The following RUVBL1 variants were observed in gnomAD, a reference collection of about 807,000 sequenced individuals.
The protein encoded by RUVBL1 is ruvB-like 1.
Under a neutral mutation model 52.4 loss-of-function variants are expected in RUVBL1, and 4 were observed. That is an observed-to-expected ratio of 0.08 (90% CI 0.04 to 0.17). The LOEUF is 0.17. Among genes scored for constraint, RUVBL1 ranks in the 10% least tolerant of loss-of-function variants. The pLI is 1.00. For missense variants in RUVBL1, 298 were observed against 572.8 expected, an observed-to-expected ratio of 0.52 and a Z score of 4.90; for synonymous variants, 217 against 214.4, an observed-to-expected ratio of 1.01 and a Z score of -0.10.
In RUVBL1 at chr3:128,097,520, A is replaced by G. The variant is rs777643578; in HGVS notation, c.818-22T>C. ...TTGTCTAGGAGATGCAAGGATGGGC[A>G]GGCAAGGTCAGCACAGGGCTGGGGG... On this transcript the variant is annotated intron_variant, in intron 7 of 10. Coordinates refer to ENST00000322623, the MANE Select transcript of RUVBL1 (RefSeq NM_003707.3). 35 of 1,609,170 alleles carry G rather than the reference A, an allele frequency of 2.2e-5. No individual in the cohort carries two copies. The Middle Eastern group carries it at 6.6e-4, about 30-fold the overall frequency.
chr3:128,079,641 AC>A (rs1274303406), downstream of RUVBL1, among the ~76,000 whole-genome samples: 1 of 152,192 alleles, frequency 6.6e-6, no homozygotes, highest in African/African-American at 2.4e-5. Context: ...GAAGGGTCCC[AC>A]CACCACTGCT....
chr3:128,105,769 C>T (rs925195921), intron 3 of RUVBL1, among the ~76,000 whole-genome samples: 41 of 152,176 alleles, frequency 2.7e-4, no homozygotes, highest in African/African-American at 8.9e-4. Context: ...GGGCCTCTGG[C>T]TCTCACTGCA....
rs148119508 is a variant in RUVBL1, at chr3:128,072,759, G to A, written c.940-7539C>T. The stretch of plus-strand genomic sequence containing the variant: ...CCAGGGAAGCAGTAGGCCATCTCTC[G>A]TGCCTCAGGTATTCGTTTGCACCTG... On this transcript the variant is annotated intron_variant, in intron 9 of 9. Coordinates refer to the RUVBL1 transcript ENST00000464873. Among the ~76,000 whole-genome samples the A allele has an allele frequency of 9.3e-4, 142 of 152,272 alleles. 1 individual carries two copies. Among genetic ancestry groups the A allele is most frequent in the African/African-American group, 3.1e-3 (130 of 41,544 alleles).
chr3:128,146,748 T>C (rs1256358458), intron 1 of RUVBL1, among the ~76,000 whole-genome samples: 4 of 152,166 alleles, frequency 2.6e-5, no homozygotes, highest in South Asian at 2.1e-4. Flanking sequence ...TGTGTGCACG[T>C]GTGTGTACGT....
At chr3:128,066,789 G>C in intron 9 of RUVBL1, 2 of 634,972 alleles carry the variant, frequency 3.1e-6, no homozygotes, top group South Asian at 3.9e-5. Flanking sequence ...GGAGTGCAGT[G>C]GTGGGTAAGG....
chr3:128,119,420 C>A lies in RUVBL1; in HGVS notation c.142-6G>T, dbSNP rs1227119537. On this transcript the variant is annotated splice_polypyrimidine_tract_variant and splice_region_variant and intron_variant, in intron 1 of 10. Coordinates refer to ENST00000322623, the MANE Select transcript of RUVBL1 (RefSeq NM_003707.3). Reference sequence around the variant, plus strand: ...TCTACTATGACGCCACATGCCTACACACCACAATGGAAAGAAATAATAAAT... The same window carrying A: ...TCTACTATGACGCCACATGCCTACAAACCACAATGGAAAGAAATAATAAAT... The A allele has an allele frequency of 1.2e-6, 2 of 1,605,666 alleles. No homozygotes were observed. Among genetic ancestry groups the A allele is most frequent in the Non-Finnish European group, 1.7e-6 (2 of 1,174,092 alleles).
downstream of RUVBL1, among the ~76,000 whole-genome samples, chr3:128,076,868 T>G (rs1280387791): frequency 6.6e-6 from 1 of 152,098 alleles, no homozygotes; most frequent in African/African-American, 2.4e-5. The surrounding 1 kb of genome is among the most constrained non-coding windows in gnomAD (Gnocchi z 6.8). Context: ...CATGTCCCTC[T>G]GGGTGCGGGG....
In RUVBL1 at chr3:128,130,619, A is replaced by T. The variant is rs1464156654; in HGVS notation, c.-39-11205T>A. On this transcript the variant is annotated intron_variant, in intron 1 of 9. Transcript: ENST00000464873. ...ACAAAAAAAAAAAAAAAAAAATTTT[A>T]TTTATTTATGTATTTATTTATTTAT... is the stretch of plus-strand genomic sequence containing the variant. Among the ~76,000 whole-genome samples the T allele has an allele frequency of 1.7e-4, 7 of 41,068 alleles. 1 individual carries two copies. Among genetic ancestry groups the T allele is most frequent in the African/African-American group, 6.0e-4 (5 of 8,346 alleles). 26.9% of individuals were successfully genotyped at this position (41,068 alleles called of 152,430 possible).
At position 128,072,596 on chromosome 3, in the gene RUVBL1, CCTG is replaced by C. The variant is rs138452786; in HGVS notation, c.940-7379_940-7377del. On this transcript the variant is annotated intron_variant, in intron 9 of 9. Coordinates refer to the RUVBL1 transcript ENST00000464873. ...AGGTCTGCCCCGCGCTCCCTCTGCACCTGCTGGCCTCAGGGCTCAGGGAGGCCC... is the reference window on the plus strand; with the variant it reads ...AGGTCTGCCCCGCGCTCCCTCTGCACCTGGCCTCAGGGCTCAGGGAGGCCC... 7.9e-3 allele frequency among the ~76,000 whole-genome samples: 1,196 copies of C among 152,300 alleles called. 23 individuals are homozygous for C. Among genetic ancestry groups the C allele is most frequent in the African/African-American group, 0.027 (1,139 of 41,560 alleles).
chr3:128,152,698 C>G (rs1034027165), intron 1 of RUVBL1, among the ~76,000 whole-genome samples: 5 of 152,090 alleles, frequency 3.3e-5, no homozygotes, highest in Non-Finnish European at 5.9e-5. Flanking sequence ...CCTAGTCTCG[C>G]TGACTTCAAG....
At chr3:128,065,285 G>C in intron 9 of RUVBL1, 1 of 606,876 alleles carries the variant, frequency 1.6e-6, no homozygotes, top group Non-Finnish European at 2.9e-6. Flanking sequence ...TTCTGGGTTG[G>C]GCCTATCGAC....
rs535610018 is a variant in RUVBL1 at position 128,089,160 on chromosome 3, T to G, written c.1017-1352A>C. Among the ~76,000 whole-genome samples the G allele has an allele frequency of 2.0e-4, 31 of 152,376 alleles. 1 individual carries two copies. The South Asian group carries it at 4.3e-3, about 21-fold the overall frequency. ...ATTTGAATGTATTCCCTTATATATA[T>G]TATTTTACTTCTTTTTGAGAAGGGT... is the stretch of plus-strand genomic sequence containing the variant. On this transcript the variant is annotated intron_variant, in intron 8 of 10. Coordinates refer to ENST00000322623, the MANE Select transcript of RUVBL1 (RefSeq NM_003707.3).
rs374231355 is a variant in RUVBL1 at position 128,087,719 on chromosome 3, T to A, written c.1106A>T (p.Gln369Leu). ...MIIRTMLYTP[Q>L]EMKQIIKIRA... is the part of the protein sequence containing the mutation. ...AGGGAGGCTCACCTGTTTCATTTCC[T>A]GTGGAGTATACAGCATGGTCCGGAT... The change falls in exon 9 of 11, where the codon CAG becomes CTG. Residue 369 changes from glutamine to leucine, a missense_variant. Around this residue, in one of 5 missense-constraint regions of RUVBL1, gnomAD observed 161 missense variants for 298.3 expected, o/e 0.54. Transcript: ENST00000322623. 3.7e-6 allele frequency: 6 copies of A among 1,613,100 alleles called. No homozygotes were observed. The highest frequency in any genetic ancestry group is 1.3e-5 in the African/African-American group (1 of 74,996).
At chr3:128,068,234 G>C (rs1234510539) in intron 9 of RUVBL1, among the ~76,000 whole-genome samples, 1 of 152,252 alleles carries the variant, frequency 6.6e-6, no homozygotes, top group Non-Finnish European at 1.5e-5. Context: ...GGACACTGGA[G>C]ACGTAAAAAT....
exon 1 of RUVBL1, chr3:128,153,566 A>G (rs1293465378): frequency 1.9e-6 from 3 of 1,539,742 alleles, no homozygotes; most frequent in Non-Finnish European, 2.6e-6. Context: ...GACAGCGGCA[A>G]GACGGCGCTG....
At chr3:128,126,600 G>A (rs570624465), upstream of RUVBL1, among the ~76,000 whole-genome samples, 13 of 152,106 alleles carry the variant, frequency 8.5e-5, 1 homozygote, top group South Asian at 2.1e-3. Context: ...TACATGTGAC[G>A]GAACTGAGGC....
intron 1 of RUVBL1, among the ~76,000 whole-genome samples, chr3:128,152,729 C>CA (rs1032122772): frequency 2.0e-5 from 3 of 152,096 alleles, no homozygotes; most frequent in African/African-American, 7.2e-5. Context: ...CGGACCTTCG[C>CA]AGTGAGTGTT....
At chr3:128,153,540 C>T (rs990949507) in exon 1 of RUVBL1, 2 of 1,521,648 alleles carry the variant, frequency 1.3e-6, no homozygotes, top group East Asian at 2.6e-5. Context: ...TGAACGTGGG[C>T]GTGCTGGGCC....
chr3:128,103,373 T>G (rs1355122121), intron 4 of RUVBL1, among the ~76,000 whole-genome samples: 1 of 152,174 alleles, frequency 6.6e-6, no homozygotes, highest in Non-Finnish European at 1.5e-5. Context: ...AGAATGGAAG[T>G]GACGAGGGGT....
Sources: allele counts gnomAD v4.1 joint callset (sites outside exome capture counted in the v4.1 genomes callset), GRCh38; gene constraint gnomAD v4.1.1; regional missense constraint gnomAD v4.1.1; non-coding constraint Gnocchi (gnomAD v3.1); transcripts MANE v1.5; gene names NCBI Gene and HGNC (gene_info 2026-07-23, HGNC 2026-07-21).